The following ZPBP variants were observed in gnomAD, a reference collection of about 807,000 sequenced individuals.
ZPBP encodes zona pellucida-binding protein 1.
ZPBP carries 26 observed loss-of-function variants against 44.8 expected under a neutral mutation model. That is an observed-to-expected ratio of 0.58 (90% confidence interval 0.43 to 0.81). The LOEUF (loss-of-function observed/expected upper bound fraction) is 0.81, where lower values mean the gene tolerates loss of function less well. Ranked by LOEUF, ZPBP falls within the 30% of genes least tolerant of loss-of-function variation. The probability of loss-of-function intolerance (pLI) is 0.00; values close to 1 mark genes in which losing one functional copy is unlikely to be tolerated. For missense variants in ZPBP, 409 were observed against 434.0 expected (o/e 0.94, Z 0.51); for synonymous variants, 174 against 153.2 (o/e 1.14, Z -1.00).
intron 6 of ZPBP, among the ~76,000 whole-genome samples, chr7:50,004,943 A>G (rs1798239020): frequency 6.6e-6 from 1 of 151,986 alleles, no homozygotes; most frequent in Admixed American, 6.6e-5. Context: ...ACAAAAATAC[A>G]TAAAGCTCAG....
intron 2 of ZPBP, among the ~76,000 whole-genome samples, chr7:49,897,194 C>T (rs953231600): frequency 6.6e-6 from 1 of 152,094 alleles, no homozygotes; most frequent in African/African-American, 2.4e-5. Context: ...CGCGCCCGGC[C>T]GGATTGATAA....
intron 6 of ZPBP, among the ~76,000 whole-genome samples, chr7:49,992,398 G>A (rs1418585396): frequency 6.6e-6 from 1 of 152,016 alleles, no homozygotes; most frequent in East Asian, 1.9e-4. Context: ...CATGAAAAGA[G>A]AGGAAACACA....
At chr7:50,009,571 C>A (rs1220777613) in intron 6 of ZPBP, among the ~76,000 whole-genome samples, 1 of 151,972 alleles carries the variant, frequency 6.6e-6, no homozygotes, top group Non-Finnish European at 1.5e-5. Flanking sequence ...TATTAAAAAT[C>A]CTTTAATTTC....
chr7:49,951,330 T>C (rs546440554), intron 7 of ZPBP, among the ~76,000 whole-genome samples: 13 of 151,620 alleles, frequency 8.6e-5, no homozygotes, highest in Non-Finnish European at 1.3e-4. Flanking sequence ...ATCTAATATA[T>C]AGACTATCTA....
At chr7:49,859,781 C>T (rs557312474) in intron 2 of ZPBP, among the ~76,000 whole-genome samples, 1,366 of 113,326 alleles carry the variant, frequency 0.012, 16 homozygotes, top group African/African-American at 0.043. Flanking sequence ...TCTTACAGTG[C>T]GCGTGCGTGC....
chr7:49,996,986 T>A (rs569802948), intron 6 of ZPBP, among the ~76,000 whole-genome samples: 1 of 152,338 alleles, frequency 6.6e-6, no homozygotes, highest in South Asian at 2.1e-4. Context: ...TCCAGTTGAT[T>A]GACTGTGTTT....
At position 50,016,359 on chromosome 7, in the gene ZPBP, T is replaced by C. The variant is rs146412918; in HGVS notation, c.783+1881A>G. Among the ~76,000 whole-genome samples the C allele has an allele frequency of 7.5e-4, 114 of 152,108 alleles. 1 individual carries two copies. The highest frequency in any genetic ancestry group is 6.0e-3 in the South Asian group (29 of 4,812). On this transcript the variant is annotated intron_variant, in intron 6 of 7. Coordinates refer to ENST00000046087, the MANE Select transcript of ZPBP (RefSeq NM_007009.3). The stretch of plus-strand genomic sequence containing the variant: ...GTCACTTATAAGTGGGAGCTAAACA[T>C]TGAGCACACATGGACACAGAGAGGA...
chr7:49,992,885 A>T (rs1431980131), intron 6 of ZPBP, among the ~76,000 whole-genome samples: 1 of 152,140 alleles, frequency 6.6e-6, no homozygotes, highest in Non-Finnish European at 1.5e-5. Context: ...ATAAATAAAT[A>T]AAATTGTGGG....
chr7:49,871,705 G>C (rs1226709380), intron 2 of ZPBP, among the ~76,000 whole-genome samples: 1 of 151,906 alleles, frequency 6.6e-6, no homozygotes, highest in Non-Finnish European at 1.5e-5. Context: ...TGTTGGGCAG[G>C]GGATTTAGAT....
At chr7:49,864,485 C>A (rs1417303406) in intron 2 of ZPBP, among the ~76,000 whole-genome samples, 1 of 152,108 alleles carries the variant, frequency 6.6e-6, no homozygotes, top group Admixed American at 6.6e-5. Flanking sequence ...TTAGAATGCC[C>A]GAATATCCCA....
At position 49,937,689 on chromosome 7, in the gene ZPBP, C is replaced by T; in HGVS notation, c.962-67G>A. 5 of 1,285,828 alleles carry T rather than the reference C, an allele frequency of 3.9e-6. No homozygotes were observed. The Admixed American group carries it at 8.5e-5, about 22-fold the overall frequency. 79.7% of individuals were successfully genotyped at this position (1,285,828 alleles called of 1,614,324 possible). The stretch of plus-strand genomic sequence containing the variant: ...ACACATAATATAAAATTTCCAATCT[C>T]AATTCTTTTAAGTGTATAGTTCAGT... On this transcript the variant is annotated intron_variant, in intron 7 of 7. Transcript: ENST00000046087.
In ZPBP at chr7:50,031,306, A is replaced by T. The variant is rs1258594097; in HGVS notation, c.492T>A (p.Tyr164Ter). ...RLQLKYAIYA[Y>*]REPHYYYQFT... ...ACTGATAATAATAATGAGGCTCACG[A>T]TAAGCTGTAAAAAATTAACAAGAGA... Residue 164 changes from tyrosine (Y) to a stop codon, truncating the protein, a stop_gained, in exon 5 of 8, where the codon TAT (tyrosine) becomes TAA (stop). Transcript: ENST00000046087. LOFTEE classifies it high-confidence loss of function. 1.2e-6 allele frequency: 2 copies of T among 1,608,290 alleles called. No homozygotes were observed. The highest frequency in any genetic ancestry group is 1.7e-6 in the Non-Finnish European group (2 of 1,178,474).
chr7:49,920,572 G>A (rs367959338), intron 1 of ZPBP: 1 of 152,138 alleles, frequency 6.6e-6, no homozygotes, highest in East Asian at 1.9e-4. Flanking sequence ...AGGATGTAAG[G>A]GAACAGAGAG....
intron 2 of ZPBP, among the ~76,000 whole-genome samples, chr7:49,895,289 C>T (rs1792326994): frequency 6.6e-6 from 1 of 152,192 alleles, no homozygotes; most frequent in African/African-American, 2.4e-5. Flanking sequence ...GCTCTGCCCT[C>T]ATGACTTAAT....
At chr7:49,973,678 C>A (rs1796389195) in intron 7 of ZPBP, among the ~76,000 whole-genome samples, 1 of 151,986 alleles carries the variant, frequency 6.6e-6, no homozygotes, top group African/African-American at 2.4e-5. Context: ...GTGTAAAAAA[C>A]AAACAAGTAA....
In ZPBP at chr7:49,932,104, T is replaced by C. The variant is rs375381633; in HGVS notation, n.411+3647A>G. On this transcript the variant is annotated intron_variant and non_coding_transcript_variant, in intron 1 of 2. Transcript: ENST00000465922. ...TCCAGGCAGAGGTGTGCTGCAGGGGTGGAGTTCTCATGGAGAACCTCTGCT... is the reference window on the plus strand; with the variant it reads ...TCCAGGCAGAGGTGTGCTGCAGGGGCGGAGTTCTCATGGAGAACCTCTGCT... Among the ~76,000 whole-genome samples the C allele has an allele frequency of 6.6e-5, 10 of 152,258 alleles. No homozygotes were observed. The East Asian group carries it at 1.5e-3, about 24-fold the overall frequency.
chr7:49,980,141 TTATA>T (rs1796759823), intron 7 of ZPBP, among the ~76,000 whole-genome samples: 2 of 111,054 alleles, frequency 1.8e-5, no homozygotes, highest in African/African-American at 7.2e-5. Flanking sequence ...TATATTATAT[TTATA>T]TTATAATTAT....
chr7:49,972,484 GT>G, intron 7 of ZPBP, among the ~76,000 whole-genome samples: 1 of 152,078 alleles, frequency 6.6e-6, no homozygotes, highest in East Asian at 1.9e-4. Context: ...TCCATTTACA[GT>G]AACATTAAAA....
At chr7:50,070,834 G>A (rs1241968261) in intron 3 of ZPBP, among the ~76,000 whole-genome samples, 4 of 152,136 alleles carry the variant, frequency 2.6e-5, no homozygotes, top group Non-Finnish European at 5.9e-5. Context: ...ACTTTTCAAG[G>A]AAAAACATGT....
Sources: allele counts gnomAD v4.1 joint callset (sites outside exome capture counted in the v4.1 genomes callset), GRCh38; gene constraint gnomAD v4.1.1; transcripts MANE v1.5; gene names NCBI Gene and HGNC (gene_info 2026-07-23, HGNC 2026-07-21).